Variants in FLNC observed in about 807,000 individuals in gnomAD.
FLNC encodes filamin C, also known as filamin-C.
In FLNC, 91 loss-of-function variants were observed where a neutral mutation model predicts 254.3. The ratio of observed to expected loss-of-function variants is 0.36; its 90% CI spans 0.30 to 0.43. FLNC has a LOEUF of 0.43. Among genes scored for constraint, FLNC ranks in the 20% least tolerant of loss-of-function variants. The pLI is 1.00. For synonymous variants in FLNC, 1,430 were observed against 1,577.2 expected, an observed-to-expected ratio of 0.91 and a Z score of 2.21; for missense variants, 2,853 against 3,802.6, an observed-to-expected ratio of 0.75 and a Z score of 6.57.
chr7:128,851,600 G>T lies in FLNC; in HGVS notation c.5814G>T (p.Pro1938=). The part of the protein sequence containing the change: ...IIVRFDDKHI[P]GSPFTAKITG... ...TGCGCTTCGATGACAAGCACATCCC[G>T]GGGAGCCCCTTCACAGCCAAGATCA... The change falls in exon 35 of 48, where the codon CCG becomes CCT. Residue 1938 remains proline, a synonymous_variant. Coordinates refer to ENST00000325888, the MANE Select transcript of FLNC (RefSeq NM_001458.5). 1 of 1,613,886 alleles carries T rather than the reference G, an allele frequency of 6.2e-7. No individual in the cohort carries two copies. Among genetic ancestry groups the T allele is most frequent in the South Asian group, 1.1e-5 (1 of 91,088 alleles).
In FLNC at chr7:128,849,959, G is replaced by A. The variant is rs377225258; in HGVS notation, c.5200-17G>A. 26 of 1,562,210 alleles carry A rather than the reference G, an allele frequency of 1.7e-5. No homozygotes were observed. Among genetic ancestry groups the A allele is most frequent in the African/African-American group, 9.4e-5 (7 of 74,176 alleles). ...TGAGGCTGCCACACCCTGTGCCCCC[G>A]TGCCTTGCCTCCCCAGGCGTGTGAC... On this transcript the variant is annotated splice_polypyrimidine_tract_variant and intron_variant, in intron 30 of 47. Coordinates refer to ENST00000325888, the MANE Select transcript of FLNC (RefSeq NM_001458.5).
At chr7:128,844,529 C>T (rs1203808800) in intron 20 of FLNC, 129 bp from the exon 21 acceptor site, 2 of 992,644 alleles carry the variant, frequency 2.0e-6, no homozygotes, top group Non-Finnish European at 3.1e-6. Flanking sequence ...AATGTCATCA[C>T]CTGGGATTGT....
rs748062670 is a variant in FLNC, at chr7:128,830,617, G to A, written c.-21G>A. On this transcript the variant is annotated 5_prime_UTR_variant, in exon 1 of 48. Transcript: ENST00000325888. The stretch of plus-strand genomic sequence containing the variant: ...CCAAACCGCGGCCCTAGCCCCGGCC[G>A]CACCCCCAGCCCGCGCCAGCATGAT... 4.7e-5 allele frequency: 76 copies of A among 1,607,976 alleles called. No homozygotes were observed. In the South Asian group the frequency reaches 6.0e-4, roughly 13 times the overall value.
At position 128,847,688 on chromosome 7, in the gene FLNC, T is replaced by A; in HGVS notation, c.4289-9T>A. On this transcript the variant is annotated splice_polypyrimidine_tract_variant and intron_variant, in intron 24 of 47. Transcript: ENST00000325888. ...TGGTGGGCAGGGTCTAATGTCCTTC[T>A]CCTCACAGGGAGCCCGTTCCGCGTG... 6.2e-7 allele frequency: 1 copy of A among 1,613,858 alleles called. No homozygotes were observed. Among genetic ancestry groups the A allele is most frequent in the Non-Finnish European group, 8.5e-7 (1 of 1,179,874 alleles).
At chr7:128,839,281 A>G (rs891583637) in intron 8 of FLNC, among the ~76,000 whole-genome samples, 25 of 152,172 alleles carry the variant, frequency 1.6e-4, no homozygotes, top group African/African-American at 5.6e-4. Context: ...CCCAGGTTCC[A>G]TGCCGTTGTC....
At chr7:128,854,351 G>A (rs1808961350) in intron 40 of FLNC, 62 bp from the exon 41 acceptor site, 2 of 1,596,346 alleles carry the variant, frequency 1.3e-6, no homozygotes, top group South Asian at 2.3e-5. Context: ...ACTGATGGGG[G>A]AGGGAAGGGC....
chr7:128,840,500 C>T, intron 9 of FLNC, 48 bp from the exon 10 acceptor site: 1 of 1,613,468 alleles, frequency 6.2e-7, no homozygotes, highest in Non-Finnish European at 8.5e-7. Context: ...GCTGGGACTT[C>T]AAGGATATTG....
In FLNC at chr7:128,841,604, C is replaced by A; in HGVS notation, c.2121+37C>A. 6.6e-7 allele frequency: 1 copy of A among 1,510,596 alleles called. No homozygotes were observed. The highest frequency in any genetic ancestry group is 1.1e-5 in the South Asian group (1 of 88,950). The allele number at this position is 1,510,596 out of a possible 1,614,324, so 93.6% of individuals were successfully genotyped here. A position where few individuals can be genotyped will look rare whatever the true frequency, so the allele number is the denominator to read the frequency against. ...TCCAGTCTCTGCTGCCCTTACTACCCATGGCAGGGACCCTGGAAGGCAGGG... is the reference window on the plus strand; with the variant it reads ...TCCAGTCTCTGCTGCCCTTACTACCAATGGCAGGGACCCTGGAAGGCAGGG... On this transcript the variant is annotated intron_variant, in intron 13 of 47. Coordinates refer to ENST00000325888, the MANE Select transcript of FLNC (RefSeq NM_001458.5). The surrounding 1 kb of genome is among the most constrained non-coding windows in gnomAD (Gnocchi z 4.3).
At position 128,838,651 on chromosome 7, in the gene FLNC, G is replaced by C; in HGVS notation, c.1259G>C (p.Arg420Pro). The change falls in exon 8 of 48, where the codon CGG becomes CCG. Residue 420 changes from arginine to proline, a missense_variant. Arg to Pro is a moderately radical substitution (Grantham distance 103). Around this residue, in one of 10 missense-constraint regions of FLNC, gnomAD observed 1,573 missense variants for 1,883.5 expected, o/e 0.84. Coordinates refer to ENST00000325888, the MANE Select transcript of FLNC (RefSeq NM_001458.5). Reference sequence around the variant, plus strand: ...GTGGTGATCGTGGACCCACAGGGCCGGCGGGACACAGTGGAGGTGGCCCTG... The same window carrying C: ...GTGGTGATCGTGGACCCACAGGGCCCGCGGGACACAGTGGAGGTGGCCCTG... ...VAVVIVDPQG[R>P]RDTVEVALED... 6.2e-7 allele frequency: 1 copy of C among 1,613,096 alleles called. No homozygotes were observed. The highest frequency in any genetic ancestry group is 2.2e-5 in the East Asian group (1 of 44,888).
rs1040480789 is a variant in FLNC at position 128,856,928 on chromosome 7, G to T, written c.7561+7G>T. 1.2e-6 allele frequency: 2 copies of T among 1,613,312 alleles called. No homozygotes were observed. The highest frequency in any genetic ancestry group is 2.7e-5 in the African/African-American group (2 of 74,922). ...CTCGAGGGAGGCACTACCGGTGAGT[G>T]CCTGGAGCTGGGGAACAGGGTGACT... On this transcript the variant is annotated splice_region_variant and intron_variant, in intron 45 of 47. Coordinates refer to ENST00000325888, the MANE Select transcript of FLNC (RefSeq NM_001458.5). This position sits in a 1 kb window ranked among gnomAD's most constrained non-coding sequence, Gnocchi z 5.9.
Position 128,853,023 on chromosome 7 carries a change from G to T in FLNC, c.6200G>T (p.Arg2067Leu). 3.7e-6 allele frequency: 6 copies of T among 1,613,152 alleles called. No homozygotes were observed. The highest frequency in any genetic ancestry group is 4.2e-6 in the Non-Finnish European group (5 of 1,179,974). The change falls in exon 37 of 48, where the codon CGC becomes CTC. Residue 2067 changes from arginine (R) to leucine (L), a missense_variant. Transcript: ENST00000325888. ...FQVAEFIVDT[R>L]NAGYGGLGLS... ...GTGGCAGAGTTCATCGTGGACACTC[G>T]CAATGCAGGTACCTCCTGCCCCAGA...
In FLNC at chr7:128,840,648, G is replaced by T. The variant is rs754474889; in HGVS notation, c.1650G>T (p.Thr550=). Residue 550 remains threonine (T), a synonymous_variant, in exon 10 of 48, where the codon ACG becomes ACT. Coordinates refer to ENST00000325888, the MANE Select transcript of FLNC (RefSeq NM_001458.5). ...VVPGKYVVTI[T]WGGYAIPRSP... is the part of the protein sequence containing the mutation. ...CTGGGAAGTATGTGGTGACCATCAC[G>T]TGGGGCGGCTACGCCATCCCTCGCA... 1 of 1,614,216 alleles carries T rather than the reference G, an allele frequency of 6.2e-7. No homozygotes were observed. Among genetic ancestry groups the T allele is most frequent in the East Asian group, 2.2e-5 (1 of 44,886 alleles).
At position 128,842,904 on chromosome 7, in the gene FLNC, A is replaced by G. The variant is rs781169622; in HGVS notation, c.2500A>G (p.Thr834Ala). ...CAACGACACCTTCACCGTCAAGTAC[A>G]CGCCACCAGGGGCGGGCCGCTACAC... ...NDNDTFTVKY[T>A]PPGAGRYTIM... The change falls in exon 16 of 48, where the codon ACG becomes GCG. Residue 834 changes from threonine to alanine, a missense_variant. This residue lies in a region of FLNC where 1,573 missense variants were observed against 1,883.5 expected (regional missense o/e 0.84). Transcript: ENST00000325888. The surrounding 1 kb of genome is among the most constrained non-coding windows in gnomAD (Gnocchi z 5.4). 51 of 1,613,796 alleles carry G rather than the reference A, an allele frequency of 3.2e-5. No homozygotes were observed. The highest frequency in any genetic ancestry group is 4.3e-5 in the Non-Finnish European group (51 of 1,180,000).
rs143718611 is a variant in FLNC at position 128,833,736 on chromosome 7, G to A, written c.353-1590G>A. ...CTGTCGGGGTTGTGAGAGGCTGGGG[G>A]CACTGGGGCATCCAGACTGTGTGAA... On this transcript the variant is annotated intron_variant, in intron 1 of 47. Transcript: ENST00000325888. Among the ~76,000 whole-genome samples, 374 of 152,352 alleles carry A rather than the reference G, an allele frequency of 2.5e-3. 7 individuals carry two copies. The highest frequency in any genetic ancestry group is 0.018 in the Admixed American group (277 of 15,304).
At chr7:128,845,359 G>A (rs986471837) in intron 21 of FLNC, 104 bp downstream of exon 21, 1 of 944,408 alleles carries the variant, frequency 1.1e-6, no homozygotes, top group Admixed American at 2.0e-5. Context: ...GAGCAACCTG[G>A]GGTGAAGGGA....
Position 128,858,228 on chromosome 7 carries a change from G to C in FLNC, c.7990+11G>C, listed in dbSNP as rs779393533. The C allele has an allele frequency of 5.1e-6, 7 of 1,381,832 alleles. No homozygotes were observed. In the Admixed American group the frequency reaches 1.2e-4, roughly 24 times the overall value. 85.6% of individuals were successfully genotyped at this position (1,381,832 alleles called of 1,614,324 possible). ...ACTGCAGCAAAGCAGGCAGGTGGCG[G>C]GGGGAGGGCGTCTCCCGGGGTGTGA... is the stretch of plus-strand genomic sequence containing the variant. On this transcript the variant is annotated intron_variant, in intron 47 of 47. Transcript: ENST00000325888. The surrounding 1 kb of genome is among the most constrained non-coding windows in gnomAD (Gnocchi z 6.7).
At chr7:128,845,421 G>A (rs1190971221) in intron 21 of FLNC, among the ~76,000 whole-genome samples, 166 bp downstream of exon 21, 2 of 152,238 alleles carry the variant, frequency 1.3e-5, no homozygotes, top group Admixed American at 1.3e-4. Flanking sequence ...CCCCAGAGAA[G>A]GAGTGGAGGG....
At position 128,838,302 on chromosome 7, in the gene FLNC, C is replaced by T. The variant is rs1220505332; in HGVS notation, c.1083C>T (p.Arg361=). Residue 361 remains arginine, a synonymous_variant, in exon 7 of 48, where the codon CGC becomes CGT. Coordinates refer to ENST00000325888, the MANE Select transcript of FLNC (RefSeq NM_001458.5). ...TVLFAGQNIE[R]SPFEVNVGMA... ...TCTTTGCTGGCCAGAACATTGAACG[C>T]AGTCCCTTTGAGGTGAACGTGGGCA... 2 of 1,614,090 alleles carry T rather than the reference C, an allele frequency of 1.2e-6. No homozygotes were observed. Among genetic ancestry groups the T allele is most frequent in the Admixed American group, 1.7e-5 (1 of 60,032 alleles).
chr7:128,855,785 CTTCTAGAGA>C (rs972978688), intron 43 of FLNC, among the ~76,000 whole-genome samples: 1 of 152,226 alleles, frequency 6.6e-6, no homozygotes, highest in African/African-American at 2.4e-5. Flanking sequence ...TTGCTGCTGA[CTTCTAGAGA>C]TGTGGTGTGT....
Sources: gnomAD v4.1 joint callset for allele counts (sites outside exome capture counted in the v4.1 genomes callset) on GRCh38, gnomAD v4.1.1 for gene constraint, gnomAD v4.1.1 regional missense constraint, Gnocchi (gnomAD v3.1) non-coding constraint, MANE v1.5 for transcripts, NCBI Gene and HGNC (gene_info 2026-07-23, HGNC 2026-07-21) for gene names.